SCAPER: variants seen among roughly 807,000 people sequenced by gnomAD.
SCAPER encodes S phase cyclin A-associated protein in the endoplasmic reticulum.
Under a neutral mutation model 182.2 loss-of-function variants are expected in SCAPER, and 98 were observed. That is an observed-to-expected ratio of 0.54 (90% CI 0.46 to 0.64). The LOEUF (loss-of-function observed/expected upper bound fraction) is 0.64. Among genes scored for constraint, SCAPER ranks in the 30% least tolerant of loss-of-function variants. The probability of loss-of-function intolerance (pLI) is 0.00; values close to 1 mark genes in which losing one functional copy is unlikely to be tolerated. For synonymous variants in SCAPER, 605 were observed against 564.6 expected (o/e 1.07, Z -1.01); for missense variants, 1,432 against 1,690.0 (o/e 0.85, Z 2.68).
At position 76,501,104 on chromosome 15, in the gene SCAPER, G is replaced by T. The variant is rs1476706716; in HGVS notation, c.2954+3755C>A. Among the ~76,000 whole-genome samples, 5 of 151,730 alleles carry T rather than the reference G, an allele frequency of 3.3e-5. No individual in the cohort carries two copies. In the East Asian group the frequency reaches 9.7e-4, roughly 29 times the overall value. ...GTCTACCCCAAAGGAGATACAAACTGCCTTGTTTCAGGGTGATCTTTCTTG... is the reference window on the plus strand; with the variant it reads ...GTCTACCCCAAAGGAGATACAAACTTCCTTGTTTCAGGGTGATCTTTCTTG... On this transcript the variant is annotated intron_variant, in intron 24 of 31. Transcript: ENST00000563290.
chr15:76,506,430 T>G (rs905240484), intron 23 of SCAPER, among the ~76,000 whole-genome samples: 1 of 151,666 alleles, frequency 6.6e-6, no homozygotes, highest in Non-Finnish European at 1.5e-5. Context: ...AAAAAATGAG[T>G]GGCTAGGACC....
intron 2 of SCAPER, among the ~76,000 whole-genome samples, chr15:76,875,295 A>C (rs769732963): frequency 2.0e-5 from 3 of 152,242 alleles, no homozygotes; most frequent in Non-Finnish European, 4.4e-5. Flanking sequence ...ATTATAATTT[A>C]ATGTCTTTTA....
intron 7 of SCAPER, among the ~76,000 whole-genome samples, chr15:76,796,849 T>C (rs571388791): frequency 6.6e-5 from 10 of 152,178 alleles, no homozygotes; most frequent in Non-Finnish European, 1.5e-4. Context: ...ATTAAATGGT[T>C]CCAAAGCCCA....
intron 1 of SCAPER, among the ~76,000 whole-genome samples, chr15:76,892,260 T>C (rs994069767): frequency 6.6e-6 from 1 of 152,164 alleles, no homozygotes; most frequent in Non-Finnish European, 1.5e-5. Flanking sequence ...GACATAGGCA[T>C]GGGCAAAGAC....
In SCAPER at chr15:76,548,345, T is replaced by C. The variant is rs573246119; in HGVS notation, c.2838+25813A>G. Among the ~76,000 whole-genome samples, 473 of 152,314 alleles carry C rather than the reference T, an allele frequency of 3.1e-3. 5 individuals are homozygous for C. Among genetic ancestry groups the C allele is most frequent in the African/African-American group, 0.011 (452 of 41,578 alleles). ...TGGGCCAACAACTGTTCAAGAATGA[T>C]GTTACCATCACAAATAGGAATGCCA... On this transcript the variant is annotated intron_variant, in intron 23 of 31. Transcript: ENST00000563290.
intron 21 of SCAPER, among the ~76,000 whole-genome samples, chr15:76,664,668 A>C (rs2056437868): frequency 6.6e-6 from 1 of 152,160 alleles, no homozygotes; most frequent in African/African-American, 2.4e-5. Flanking sequence ...AAACATTCAA[A>C]AGTATCAAGA....
intron 21 of SCAPER, among the ~76,000 whole-genome samples, chr15:76,639,666 T>C (rs1184940795): frequency 6.6e-6 from 1 of 152,068 alleles, no homozygotes; most frequent in Non-Finnish European, 1.5e-5. Flanking sequence ...TATGAGGACT[T>C]ACACCCCGCC....
chr15:76,381,043 A>T (rs2042911649), intron 28 of SCAPER: 1 of 158,206 alleles, frequency 6.3e-6, no homozygotes, highest in Non-Finnish European at 1.4e-5. Context: ...AAGGATGAAC[A>T]TAGGCTTTGG....
At chr15:76,715,819 G>T (rs2059861828) in intron 17 of SCAPER, among the ~76,000 whole-genome samples, 2 of 152,054 alleles carry the variant, frequency 1.3e-5, no homozygotes, top group South Asian at 2.1e-4. Context: ...CTACATCCCA[G>T]CCCCCTGGGC....
At chr15:76,383,512 A>C (rs375485570) in intron 27 of SCAPER, among the ~76,000 whole-genome samples, 2 of 152,348 alleles carry the variant, frequency 1.3e-5, no homozygotes, top group East Asian at 3.9e-4. Context: ...TCAAGAAAGA[A>C]GCTCTCTTAT....
chr15:76,765,483 T>C, intron 12 of SCAPER, 29 bp from the exon 13 acceptor site: 1 of 1,610,724 alleles, frequency 6.2e-7, no homozygotes, highest in East Asian at 2.2e-5. Context: ...TATTATTGTT[T>C]AGCCACATAG....
At chr15:76,901,627 A>G (rs946445644) in intron 1 of SCAPER, among the ~76,000 whole-genome samples, 4 of 152,232 alleles carry the variant, frequency 2.6e-5, no homozygotes, top group Non-Finnish European at 4.4e-5. Context: ...AAATGAACGT[A>G]TTACTTTAAG....
intron 24 of SCAPER, among the ~76,000 whole-genome samples, chr15:76,488,150 C>T (rs911635230): frequency 6.6e-6 from 1 of 151,972 alleles, no homozygotes; most frequent in African/African-American, 2.4e-5. Context: ...AGATAAAATA[C>T]AGCCCAAGAT....
chr15:76,665,486 G>A (rs1351643194), intron 21 of SCAPER, among the ~76,000 whole-genome samples, 167 bp downstream of exon 21: 1 of 152,148 alleles, frequency 6.6e-6, no homozygotes, highest in Non-Finnish European at 1.5e-5. Context: ...TCGATATGCA[G>A]TTTTCTTTCT....
At position 76,376,261 on chromosome 15, in the gene SCAPER, G is replaced by A; in HGVS notation, c.3756C>T (p.Ser1252=). 6.2e-7 allele frequency: 1 copy of A among 1,613,970 alleles called. No homozygotes were observed. The highest frequency in any genetic ancestry group is 1.1e-5 in the South Asian group (1 of 91,080). The change falls in exon 29 of 32, where the codon AGC becomes AGT. Residue 1252 remains serine, a synonymous_variant. Transcript: ENST00000563290. ...CTTGGCTGCAGTGGCCCAGCAGGGA[G>A]CTGGCCATGTGCCGGAATGCAAGGG... ...GLSLAFRHMA[S]SLLGHCSQVS...
At chr15:76,615,426 C>T (rs1311556092) in intron 22 of SCAPER, among the ~76,000 whole-genome samples, 2 of 149,570 alleles carry the variant, frequency 1.3e-5, no homozygotes, top group Admixed American at 6.7e-5. Flanking sequence ...AGCTTGGCAA[C>T]AGAGCAAGAG....
At chr15:76,734,626 C>T (rs1290737517) in intron 15 of SCAPER, among the ~76,000 whole-genome samples, 2 of 152,100 alleles carry the variant, frequency 1.3e-5, no homozygotes, top group Admixed American at 1.3e-4. Flanking sequence ...GCCTGTAATG[C>T]CAGCACTTTG....
intron 17 of SCAPER, among the ~76,000 whole-genome samples, chr15:76,709,875 T>A (rs2059470330): frequency 1.3e-5 from 2 of 152,178 alleles, no homozygotes; most frequent in South Asian, 4.1e-4. Context: ...ATCCAAAAAT[T>A]AATGTAACAT....
chr15:76,450,419 G>C (rs1389221371), intron 25 of SCAPER, among the ~76,000 whole-genome samples: 1 of 152,120 alleles, frequency 6.6e-6, no homozygotes, highest in African/African-American at 2.4e-5. Flanking sequence ...TTCAGTTACT[G>C]TCTTTACATT....
Sources: gnomAD v4.1 joint callset for allele counts (sites outside exome capture counted in the v4.1 genomes callset) on GRCh38, gnomAD v4.1.1 for gene constraint, MANE v1.5 for transcripts, NCBI Gene and HGNC (gene_info 2026-07-23, HGNC 2026-07-21) for gene names.